The following PDE4D variants were observed in gnomAD, a reference collection of about 807,000 sequenced individuals.
PDE4D encodes the protein 3',5'-cyclic-AMP phosphodiesterase 4D.
In PDE4D, 24 loss-of-function variants were observed where a neutral mutation model predicts 87.4. The ratio of observed to expected loss-of-function variants is 0.27; its 90% CI spans 0.20 to 0.39. The LOEUF is 0.39. Among genes scored for constraint, PDE4D ranks in the 10% least tolerant of loss-of-function variants. The pLI is 1.00. For missense variants in PDE4D, 714 were observed against 1,041.0 expected, an observed-to-expected ratio of 0.69 and a Z score of 4.32; for synonymous variants, 384 against 383.2, an observed-to-expected ratio of 1.00 and a Z score of -0.02.
At chr5:59,989,165 GA>G (rs1200796512) in intron 2 of PDE4D, among the ~76,000 whole-genome samples, 2 of 145,686 alleles carry the variant, frequency 1.4e-5, no homozygotes, top group African/African-American at 5.0e-5. Flanking sequence ...TCCATTCTGA[GA>G]AATGCATCAT....
intron 3 of PDE4D, among the ~76,000 whole-genome samples, chr5:59,193,082 C>G (rs1487429728): frequency 6.6e-6 from 1 of 152,116 alleles, no homozygotes; most frequent in Admixed American, 6.5e-5. Flanking sequence ...CATCACTCAG[C>G]TAAATCTCTG....
chr5:60,433,719 C>T (rs558015993), intron 1 of PDE4D, among the ~76,000 whole-genome samples: 1 of 152,326 alleles, frequency 6.6e-6, no homozygotes, highest in Admixed American at 6.5e-5. Context: ...GGTACATATA[C>T]ATTATGGAAT....
chr5:59,031,370 T>G (rs1422375947), intron 6 of PDE4D, among the ~76,000 whole-genome samples: 5 of 32,668 alleles, frequency 1.5e-4, no homozygotes, highest in African/African-American at 4.2e-4. Flanking sequence ...GTGATATATA[T>G]ATATATATAT....
intron 1 of PDE4D, among the ~76,000 whole-genome samples, chr5:59,456,623 T>C (rs988556448): frequency 2.0e-5 from 3 of 152,204 alleles, no homozygotes; most frequent in African/African-American, 7.2e-5. Flanking sequence ...AGAAATACAT[T>C]TGGGAAGGCT....
At chr5:59,204,053 G>A (rs144785931) in intron 2 of PDE4D, among the ~76,000 whole-genome samples, 67 of 152,240 alleles carry the variant, frequency 4.4e-4, no homozygotes, top group African/African-American at 1.5e-3. Flanking sequence ...TGATGGACCT[G>A]TTAATTGCTT....
chr5:60,339,394 A>G (rs909992823), intron 1 of PDE4D, among the ~76,000 whole-genome samples: 4 of 152,114 alleles, frequency 2.6e-5, no homozygotes, highest in Non-Finnish European at 4.4e-5. Context: ...CATGGACAGC[A>G]TGGACATGCT....
intron 8 of PDE4D, 143 bp downstream of exon 8, chr5:58,991,689 T>C (rs1464849075): frequency 2.0e-6 from 1 of 502,706 alleles, no homozygotes; most frequent in East Asian, 3.4e-5. Flanking sequence ...AGGAGCTTTA[T>C]AAAATGCCTT....
intron 1 of PDE4D, among the ~76,000 whole-genome samples, chr5:59,510,740 T>C (rs963328887): frequency 3.9e-5 from 6 of 151,960 alleles, no homozygotes; most frequent in African/African-American, 1.2e-4. Flanking sequence ...GAAAATGTAA[T>C]GCATCTTGGA....
At chr5:60,499,171 C>T (rs75302207) in intron 1 of PDE4D, among the ~76,000 whole-genome samples, 3,288 of 152,276 alleles carry the variant, frequency 0.022, 55 homozygotes, top group Middle Eastern at 0.088. Flanking sequence ...CACACTGAGA[C>T]TTAAAAAACA....
intron 1 of PDE4D, among the ~76,000 whole-genome samples, chr5:60,384,718 C>G (rs1392171428): frequency 6.6e-6 from 1 of 152,186 alleles, no homozygotes; most frequent in Non-Finnish European, 1.5e-5. Context: ...CATCCCCACA[C>G]TCAGCTTGAG....
At chr5:60,380,353 G>A (rs1292182389) in intron 1 of PDE4D, among the ~76,000 whole-genome samples, 2 of 152,122 alleles carry the variant, frequency 1.3e-5, no homozygotes, top group African/African-American at 4.8e-5. Flanking sequence ...ACATTCCAAG[G>A]GAATAGTATA....
At chr5:59,299,919 G>A in intron 1 of PDE4D, among the ~76,000 whole-genome samples, 1 of 152,096 alleles carries the variant, frequency 6.6e-6, no homozygotes, top group East Asian at 1.9e-4. Context: ...AGACCAGTCT[G>A]GCCAACATGG....
chr5:59,365,653 T>C (rs780698518), intron 1 of PDE4D, among the ~76,000 whole-genome samples: 2 of 152,196 alleles, frequency 1.3e-5, no homozygotes, highest in Non-Finnish European at 2.9e-5. Flanking sequence ...GATACATTTG[T>C]ACAGAAGTTT....
At chr5:59,564,767 G>A (rs546837915) in intron 1 of PDE4D, among the ~76,000 whole-genome samples, 3 of 152,176 alleles carry the variant, frequency 2.0e-5, no homozygotes, top group Non-Finnish European at 4.4e-5. Flanking sequence ...ACTCCCATTT[G>A]TGTGAGTGAG....
At chr5:60,326,188 A>G (rs1384034432) in intron 1 of PDE4D, among the ~76,000 whole-genome samples, 1 of 152,116 alleles carries the variant, frequency 6.6e-6, no homozygotes, top group Non-Finnish European at 1.5e-5. Context: ...AATGCCCAGG[A>G]GTGCATTTAC....
intron 1 of PDE4D, among the ~76,000 whole-genome samples, chr5:59,727,565 TA>T (rs1013849568): frequency 4.6e-5 from 7 of 151,838 alleles, no homozygotes; most frequent in Middle Eastern, 6.8e-3. Flanking sequence ...AACAAACAAA[TA>T]AAAAAGGGGA....
chr5:60,295,837 A>C (rs1753332241), intron 1 of PDE4D, among the ~76,000 whole-genome samples: 1 of 152,170 alleles, frequency 6.6e-6, no homozygotes, highest in Non-Finnish European at 1.5e-5. Context: ...GCCTATTAAA[A>C]GGCTGTCTTA....
intron 1 of PDE4D, among the ~76,000 whole-genome samples, chr5:59,709,984 T>C (rs1753970540): frequency 6.6e-6 from 1 of 152,120 alleles, no homozygotes; most frequent in Non-Finnish European, 1.5e-5. Flanking sequence ...GGGCACAGCA[T>C]GGTATTGAGA....
chr5:59,354,309 C>T (rs1780999355), intron 1 of PDE4D, among the ~76,000 whole-genome samples: 1 of 152,140 alleles, frequency 6.6e-6, no homozygotes, highest in African/African-American at 2.4e-5. Context: ...GTTACTTTCA[C>T]CGCGTAAGGA....
Sources: allele counts gnomAD v4.1 joint callset (sites outside exome capture counted in the v4.1 genomes callset), GRCh38; gene constraint gnomAD v4.1.1; transcripts MANE v1.5; gene names NCBI Gene and HGNC (gene_info 2026-07-23, HGNC 2026-07-21).